Variants in PHF20 observed in about 807,000 individuals in gnomAD.
PHF20 encodes glioma-expressed antigen 2.
Under a neutral mutation model 113.5 loss-of-function variants are expected in PHF20, and 23 were observed. That is an observed-to-expected ratio of 0.20 (90% CI 0.15 to 0.29). PHF20 has a LOEUF of 0.29. Ranked by LOEUF, PHF20 falls within the 10% of genes least tolerant of loss-of-function variation. PHF20 has a pLI of 1.00. For synonymous variants in PHF20, 434 were observed against 457.3 expected, an observed-to-expected ratio of 0.95 and a Z score of 0.65; for missense variants, 943 against 1,219.6, an observed-to-expected ratio of 0.77 and a Z score of 3.38.
chr20:35,927,053 A>G (rs1014582631), intron 13 of PHF20, among the ~76,000 whole-genome samples: 10 of 150,964 alleles, frequency 6.6e-5, no homozygotes, highest in African/African-American at 2.4e-4. Context: ...CTCATTGTCA[A>G]CTCCCTCCTT....
At chr20:35,841,745 A>G (rs988402311) in intron 2 of PHF20, among the ~76,000 whole-genome samples, 3 of 151,636 alleles carry the variant, frequency 2.0e-5, no homozygotes, top group African/African-American at 7.3e-5. Flanking sequence ...CCTCCAGCAT[A>G]GCGACAGAGC....
At chr20:35,801,203 G>C (rs1569125762) in intron 1 of PHF20, among the ~76,000 whole-genome samples, 1 of 152,212 alleles carries the variant, frequency 6.6e-6, no homozygotes, top group South Asian at 2.1e-4. Flanking sequence ...GAATTTAACT[G>C]TGAAAGCAGT....
intron 2 of PHF20, among the ~76,000 whole-genome samples, chr20:35,810,200 G>C (rs546230548): frequency 7.2e-5 from 11 of 152,248 alleles, no homozygotes; most frequent in African/African-American, 2.6e-4. Context: ...AAAGTGCTGG[G>C]ATTATAGGCA....
At chr20:35,894,213 T>C (rs2054934200) in intron 9 of PHF20, among the ~76,000 whole-genome samples, 1 of 152,220 alleles carries the variant, frequency 6.6e-6, no homozygotes, top group African/African-American at 2.4e-5. Flanking sequence ...AAGAAATGTT[T>C]CACACTTGGT....
chr20:35,828,205 G>A (rs1231236552), intron 2 of PHF20, among the ~76,000 whole-genome samples: 1 of 151,994 alleles, frequency 6.6e-6, no homozygotes, highest in Non-Finnish European at 1.5e-5. Flanking sequence ...TGTATTTTTA[G>A]TAGAGACGGA....
At chr20:35,880,127 T>C (rs995476545) in intron 9 of PHF20, among the ~76,000 whole-genome samples, 8 of 152,234 alleles carry the variant, frequency 5.3e-5, no homozygotes, top group African/African-American at 1.9e-4. Flanking sequence ...CTCTTGGACT[T>C]AGTGTTCATT....
chr20:35,935,087 T>G (rs1317100596), intron 15 of PHF20, among the ~76,000 whole-genome samples: 1 of 152,050 alleles, frequency 6.6e-6, no homozygotes, highest in African/African-American at 2.4e-5. Flanking sequence ...TCAAGTGATC[T>G]ACCTGCCTTG....
chr20:35,873,170 C>T (rs1358275816), intron 9 of PHF20, among the ~76,000 whole-genome samples: 1 of 151,356 alleles, frequency 6.6e-6, no homozygotes, highest in East Asian at 1.9e-4. Context: ...GGTTGATCTC[C>T]ACTCACTTCA....
chr20:35,928,741 AT>A (rs1299693569), intron 14 of PHF20: 1 of 152,018 alleles, frequency 6.6e-6, no homozygotes, highest in Non-Finnish European at 1.5e-5. Context: ...TTTGGGGGCT[AT>A]TGGAGGGTTA....
Position 35,892,204 on chromosome 20 carries a change from T to C in PHF20, c.1283-7166T>C, listed in dbSNP as rs186428675. Among the ~76,000 whole-genome samples, 78 of 150,438 alleles carry C rather than the reference T, an allele frequency of 5.2e-4. No individual in the cohort carries two copies. The East Asian group carries it at 0.014, about 27-fold the overall frequency. On this transcript the variant is annotated intron_variant, in intron 9 of 17. Coordinates refer to ENST00000374012, the MANE Select transcript of PHF20 (RefSeq NM_016436.5). ...TCCCGAGTAGATGGGACTACAGGCA[T>C]GCACCACCACGCCTGGCTGATTTTT... is the stretch of plus-strand genomic sequence containing the variant.
intron 9 of PHF20, 107 bp downstream of exon 9, chr20:35,871,936 A>G (rs2054430597): frequency 1.4e-6 from 1 of 732,968 alleles, no homozygotes; most frequent in Admixed American, 3.1e-5. Flanking sequence ...TTCACCTTTT[A>G]TTAATATTCC....
At chr20:35,896,623 C>T (rs2054989354) in intron 9 of PHF20, among the ~76,000 whole-genome samples, 1 of 150,718 alleles carries the variant, frequency 6.6e-6, no homozygotes, top group South Asian at 2.1e-4. Context: ...CCAGGCTGGA[C>T]CAGTCTCTAC....
At chr20:35,829,395 C>T (rs1368746326) in intron 2 of PHF20, among the ~76,000 whole-genome samples, 3 of 152,022 alleles carry the variant, frequency 2.0e-5, no homozygotes, top group African/African-American at 4.8e-5. Flanking sequence ...ACTCTGTTGC[C>T]AGGCTGGAGT....
At chr20:35,875,108 A>T (rs527269203) in intron 9 of PHF20, among the ~76,000 whole-genome samples, 24 of 151,982 alleles carry the variant, frequency 1.6e-4, no homozygotes, top group South Asian at 6.2e-4. Context: ...AAAATATTTT[A>T]AAAAATTGGC....
At chr20:35,880,027 GAA>G (rs1260405571) in intron 9 of PHF20, among the ~76,000 whole-genome samples, 2 of 152,002 alleles carry the variant, frequency 1.3e-5, no homozygotes, top group Non-Finnish European at 2.9e-5. Flanking sequence ...AGGAGAGAGA[GAA>G]AGAAATTAAT....
intron 10 of PHF20, among the ~76,000 whole-genome samples, chr20:35,903,803 G>A (rs944675549): frequency 2.0e-5 from 3 of 152,142 alleles, no homozygotes; most frequent in South Asian, 2.1e-4. Context: ...TGTTTATCAC[G>A]TAGCTGGCTA....
intron 9 of PHF20, among the ~76,000 whole-genome samples, chr20:35,893,956 G>T (rs1395516866): frequency 1.3e-5 from 2 of 152,222 alleles, no homozygotes; most frequent in Non-Finnish European, 2.9e-5. Context: ...ATAAAACAAT[G>T]TTCAGTATTT....
chr20:35,945,199 A>G (rs183389832), intron 17 of PHF20, among the ~76,000 whole-genome samples: 7 of 152,268 alleles, frequency 4.6e-5, no homozygotes, highest in Non-Finnish European at 8.8e-5. Context: ...GCTGGACCAC[A>G]CATTCCTTCT....
intron 1 of PHF20, among the ~76,000 whole-genome samples, chr20:35,788,394 C>A (rs375668713): frequency 6.6e-6 from 1 of 151,764 alleles, no homozygotes; most frequent in East Asian, 1.9e-4. Context: ...CTGTGCCTGG[C>A]CTATTTTTTT....
Sources: gnomAD v4.1 joint callset for allele counts (sites outside exome capture counted in the v4.1 genomes callset) on GRCh38, gnomAD v4.1.1 for gene constraint, MANE v1.5 for transcripts, NCBI Gene and HGNC (gene_info 2026-07-23, HGNC 2026-07-21) for gene names.